Variants in SNX9 observed in about 807,000 individuals in gnomAD.
SNX9 encodes sorting nexin-9.
A neutral mutation model predicts 89.4 loss-of-function variants in SNX9; 44 were observed. The observed-to-expected ratio is 0.49, with a 90% CI of 0.39 to 0.63. SNX9 has a LOEUF of 0.63. Ranked by LOEUF, SNX9 falls within the 30% of genes least tolerant of loss-of-function variation. SNX9 has a pLI of 0.00. For missense variants in SNX9, 578 were observed against 736.1 expected (o/e 0.79, Z 2.49); for synonymous variants, 236 against 247.8 (o/e 0.95, Z 0.45).
chr6:157,836,744 C>T (rs1252751663), intron 1 of SNX9, among the ~76,000 whole-genome samples: 1 of 152,146 alleles, frequency 6.6e-6, no homozygotes, highest in Non-Finnish European at 1.5e-5. Flanking sequence ...GCACCCACTA[C>T]CATGCCTGGC....
chr6:157,899,161 A>T (rs1783041857), intron 5 of SNX9, among the ~76,000 whole-genome samples: 1 of 152,034 alleles, frequency 6.6e-6, no homozygotes, highest in African/African-American at 2.4e-5. Context: ...TGACACGGGG[A>T]TTATTGTCAG....
intron 1 of SNX9, among the ~76,000 whole-genome samples, chr6:157,826,007 G>A (rs949396434): frequency 1.4e-4 from 22 of 152,168 alleles, no homozygotes; most frequent in African/African-American, 5.3e-4. Flanking sequence ...TTTAAGGGAT[G>A]TCGATTTCCC....
intron 1 of SNX9, among the ~76,000 whole-genome samples, chr6:157,834,655 C>T (rs1340156442): frequency 6.6e-6 from 1 of 152,092 alleles, no homozygotes; most frequent in African/African-American, 2.4e-5. Flanking sequence ...TTAGTGTCCA[C>T]TTCTTAATTC....
chr6:157,866,303 G>T (rs542213311), intron 1 of SNX9, among the ~76,000 whole-genome samples: 1 of 152,314 alleles, frequency 6.6e-6, no homozygotes, highest in Non-Finnish European at 1.5e-5. Flanking sequence ...TTCATTTAGG[G>T]CTGGTCATAG....
intron 9 of SNX9, among the ~76,000 whole-genome samples, chr6:157,915,527 T>A (rs1049318823): frequency 6.6e-6 from 1 of 150,488 alleles, no homozygotes; most frequent in African/African-American, 2.5e-5. Context: ...GGCTCATGCC[T>A]GTAATCTCAG....
intron 10 of SNX9, among the ~76,000 whole-genome samples, 160 bp downstream of exon 10, chr6:157,921,821 T>C (rs1783590160): frequency 6.6e-6 from 1 of 152,090 alleles, no homozygotes; most frequent in Non-Finnish European, 1.5e-5. Flanking sequence ...CATAGGAAAT[T>C]TGTCATGATG....
intron 1 of SNX9, among the ~76,000 whole-genome samples, chr6:157,856,617 G>A (rs541012419): frequency 1.3e-5 from 2 of 152,198 alleles, no homozygotes; most frequent in East Asian, 1.9e-4. Context: ...TTACTATCAC[G>A]ATCAATCTTC....
At chr6:157,927,304 C>G in intron 11 of SNX9, 90 bp downstream of exon 11, 1 of 826,882 alleles carries the variant, frequency 1.2e-6, no homozygotes, top group Non-Finnish European at 2.0e-6. Context: ...GCAGCCGAAA[C>G]TCAAATCAGA....
At chr6:157,912,236 CA>C (rs1472198402) in intron 9 of SNX9, among the ~76,000 whole-genome samples, 5 of 152,216 alleles carry the variant, frequency 3.3e-5, no homozygotes, top group Non-Finnish European at 5.9e-5. Flanking sequence ...TCTCCTTTAT[CA>C]ACTTGGTTAG....
chr6:157,870,014 C>T (rs1583208971), intron 2 of SNX9, among the ~76,000 whole-genome samples: 1 of 152,082 alleles, frequency 6.6e-6, no homozygotes, highest in Admixed American at 6.5e-5. Flanking sequence ...TGCACACCCA[C>T]AGTCGCATGC....
intron 4 of SNX9, among the ~76,000 whole-genome samples, chr6:157,878,563 GCT>G: frequency 6.6e-6 from 1 of 151,980 alleles, no homozygotes; most frequent in Middle Eastern, 3.4e-3. Flanking sequence ...CTCCTGAGTA[GCT>G]GGGACTACAG....
Position 157,828,490 on chromosome 6 carries a change from G to GATT in SNX9, c.12+5054_12+5056dup, listed in dbSNP as rs1159278015. ...TTAGATGTTAAGTTTTTATGATTAT[G>GATT]ATTATTATTATTTTTTTTTTGGAGA... On this transcript the variant is annotated intron_variant, in intron 1 of 17. Transcript: ENST00000392185. 2.0e-5 allele frequency among the ~76,000 whole-genome samples: 3 copies of GATT among 151,958 alleles called. No homozygotes were observed. In the South Asian group the frequency reaches 6.2e-4, roughly 32 times the overall value.
At chr6:157,923,961 G>C (rs1027508767) in intron 10 of SNX9, among the ~76,000 whole-genome samples, 1 of 152,152 alleles carries the variant, frequency 6.6e-6, no homozygotes, top group Non-Finnish European at 1.5e-5. Context: ...CATGTCCCAG[G>C]CTGGGTGTGG....
intron 9 of SNX9, among the ~76,000 whole-genome samples, chr6:157,920,567 G>A (rs192587119): frequency 3.3e-5 from 5 of 152,276 alleles, no homozygotes; most frequent in Admixed American, 6.5e-5. Context: ...TTCCACCATC[G>A]TCGCCTGAAG....
chr6:157,896,686 G>T (rs1156998423), intron 4 of SNX9, 141 bp from the exon 5 acceptor site: 2 of 930,068 alleles, frequency 2.2e-6, no homozygotes, highest in South Asian at 1.5e-5. Context: ...AAAATATTAT[G>T]TATGTAAAAT....
At chr6:157,869,565 C>T (rs989904127) in intron 2 of SNX9, among the ~76,000 whole-genome samples, 6 of 152,174 alleles carry the variant, frequency 3.9e-5, no homozygotes, top group African/African-American at 1.4e-4. Flanking sequence ...CCAGCCTCTT[C>T]TCTCCACCCT....
At chr6:157,855,651 G>A (rs1472626069) in intron 1 of SNX9, among the ~76,000 whole-genome samples, 1 of 152,116 alleles carries the variant, frequency 6.6e-6, no homozygotes, top group African/African-American at 2.4e-5. Context: ...TTACTGACTC[G>A]TACTCTTTAT....
rs1783304702 is a variant in SNX9, at chr6:157,909,979, T to C, written c.903T>C (p.Phe301=). 2 of 1,614,206 alleles carry C rather than the reference T, an allele frequency of 1.2e-6. No homozygotes were observed. The highest frequency in any genetic ancestry group is 2.7e-5 in the African/African-American group (2 of 75,064). The change falls in exon 9 of 18, where the codon TTT becomes TTC. Residue 301 remains phenylalanine, a synonymous_variant. Transcript: ENST00000392185. The part of the protein sequence containing the change: ...DWLYERLLVK[F]GSAIPIPSLP... ...TATATGAGCGTCTCCTGGTTAAGTT[T>C]GGGTCAGCCATTCCAATCCCTTCTC...
chr6:157,900,501 G>A (rs117731909), intron 5 of SNX9, among the ~76,000 whole-genome samples: 6,985 of 152,226 alleles, frequency 0.046, 200 homozygotes, highest in East Asian at 0.11. Context: ...ACACACACAA[G>A]ATAGCGAAAG....
Sources: allele counts gnomAD v4.1 joint callset (sites outside exome capture counted in the v4.1 genomes callset), GRCh38; gene constraint gnomAD v4.1.1; transcripts MANE v1.5; gene names NCBI Gene and HGNC (gene_info 2026-07-23, HGNC 2026-07-21).